GPR55: variants seen among roughly 807,000 people sequenced by gnomAD.
GPR55 encodes the protein G-protein coupled receptor 55.
In GPR55, 6 loss-of-function variants were observed where a neutral mutation model predicts 7.9. The ratio of observed to expected loss-of-function variants is 0.76; its 90% CI spans 0.41 to 1.49. The LOEUF is 1.49. Ranked by LOEUF, GPR55 falls within the 40% of genes most tolerant of loss-of-function variation. The pLI, the probability that GPR55 is intolerant of heterozygous loss-of-function variation, is 0.01. For synonymous variants in GPR55, 183 were observed against 166.8 expected, an observed-to-expected ratio of 1.10 and a Z score of -0.75; for missense variants, 376 against 406.0, an observed-to-expected ratio of 0.93 and a Z score of 0.63.
intron 1 of GPR55, among the ~76,000 whole-genome samples, chr2:230,949,559 G>T (rs1433913411): frequency 2.6e-5 from 4 of 152,256 alleles, no homozygotes; most frequent in Non-Finnish European, 5.9e-5. Flanking sequence ...ACTTCTCAAA[G>T]TGTGGCTCAG....
At chr2:230,948,262 T>C in intron 1 of GPR55, among the ~76,000 whole-genome samples, 1 of 151,966 alleles carries the variant, frequency 6.6e-6, no homozygotes, top group East Asian at 1.9e-4. Context: ...TATCAGCCCC[T>C]CCAGGCCTGA....
At chr2:230,940,247 C>T (rs564740393) in intron 1 of GPR55, among the ~76,000 whole-genome samples, 55 of 152,180 alleles carry the variant, frequency 3.6e-4, no homozygotes, top group African/African-American at 1.2e-3. Context: ...GTGGGGGCGG[C>T]GCTTACACAG....
At chr2:230,936,632 A>C (rs1415433085) in intron 1 of GPR55, among the ~76,000 whole-genome samples, 1 of 152,214 alleles carries the variant, frequency 6.6e-6, no homozygotes, top group Admixed American at 6.5e-5. Flanking sequence ...CCTGTTGGAC[A>C]GCAGCAATGT....
intron 1 of GPR55, among the ~76,000 whole-genome samples, chr2:230,958,251 A>AT (rs987567510): frequency 6.6e-6 from 1 of 152,186 alleles, no homozygotes; most frequent in Non-Finnish European, 1.5e-5. Flanking sequence ...ACTTTAAAAA[A>AT]TTTTTTTAAA....
chr2:230,940,792 G>T (rs1348082833), intron 1 of GPR55, among the ~76,000 whole-genome samples: 1 of 152,208 alleles, frequency 6.6e-6, no homozygotes, highest in Non-Finnish European at 1.5e-5. Context: ...GAGTATCCCT[G>T]GCTGCACCGG....
In GPR55 at chr2:230,909,848, T is replaced by C. The variant is rs950772111; in HGVS notation, c.*155A>G. 3 of 750,826 alleles carry C rather than the reference T, an allele frequency of 4.0e-6. No homozygotes were observed. Among genetic ancestry groups the C allele is most frequent in the South Asian group, 1.8e-5 (1 of 54,788 alleles). 46.5% of individuals were successfully genotyped at this position (750,826 alleles called of 1,614,324 possible). On this transcript the variant is annotated 3_prime_UTR_variant, in exon 2 of 2. Coordinates refer to ENST00000650999, the MANE Select transcript of GPR55 (RefSeq NM_005683.4). ...GGCAGTGGAAAAAAGGTCTTTGGGG[T>C]ATAATGAGCAAAGCTGGCACTCAAT... is the stretch of plus-strand genomic sequence containing the variant.
upstream of GPR55, among the ~76,000 whole-genome samples, chr2:230,929,431 G>A (rs540593678): frequency 3.3e-5 from 5 of 152,286 alleles, no homozygotes; most frequent in South Asian, 2.1e-4. Flanking sequence ...AGTAAAACAC[G>A]CAAGGGGGCA....
chr2:230,939,061 G>A (rs988338093), intron 1 of GPR55, among the ~76,000 whole-genome samples: 20 of 152,344 alleles, frequency 1.3e-4, no homozygotes, highest in African/African-American at 3.6e-4. Flanking sequence ...GGAGACTGAA[G>A]AGGCCGACTA....
At chr2:230,920,734 A>G (rs1455158787) in intron 1 of GPR55, among the ~76,000 whole-genome samples, 1 of 152,240 alleles carries the variant, frequency 6.6e-6, no homozygotes, top group African/African-American at 2.4e-5. Context: ...TTTAGGTTAA[A>G]TCACCTTGTC....
At chr2:230,942,303 C>T (rs1004178604) in intron 1 of GPR55, among the ~76,000 whole-genome samples, 6 of 152,192 alleles carry the variant, frequency 3.9e-5, no homozygotes, top group African/African-American at 1.4e-4. Flanking sequence ...CCTTCTCCTG[C>T]CTCAGCCGGG....
chr2:230,913,005 C>A (rs1690627881), intron 1 of GPR55, among the ~76,000 whole-genome samples: 1 of 152,138 alleles, frequency 6.6e-6, no homozygotes, highest in Admixed American at 6.5e-5. Context: ...TGTATGACTT[C>A]TTTAAAATTT....
At chr2:230,933,220 G>T (rs967867745) in intron 1 of GPR55, among the ~76,000 whole-genome samples, 2 of 70,656 alleles carry the variant, frequency 2.8e-5, no homozygotes, top group Non-Finnish European at 2.9e-5. Context: ...TGCCTGGCCT[G>T]CCTCTCTGCT....
chr2:230,927,904 G>A (rs994806323), upstream of GPR55, among the ~76,000 whole-genome samples: 1 of 152,244 alleles, frequency 6.6e-6, no homozygotes, highest in Non-Finnish European at 1.5e-5. Flanking sequence ...CAGGGGGTTT[G>A]CAGGGTGACC....
upstream of GPR55, among the ~76,000 whole-genome samples, chr2:230,928,330 G>T (rs1010523428): frequency 6.6e-6 from 1 of 152,106 alleles, no homozygotes; most frequent in Admixed American, 6.6e-5. Context: ...AGGATCCAGG[G>T]CATCTGAGGC....
Position 230,909,686 on chromosome 2 carries a change from G to T in GPR55, c.*317C>A. On this transcript the variant is annotated 3_prime_UTR_variant, in exon 2 of 2. Coordinates refer to ENST00000650999, the MANE Select transcript of GPR55 (RefSeq NM_005683.4). Reference sequence around the variant, plus strand: ...TCGAACAGGAAAATGGGGAGAGTTGGAAACAGCCTTGTTGACATGGTCTCA... The same window carrying T: ...TCGAACAGGAAAATGGGGAGAGTTGTAAACAGCCTTGTTGACATGGTCTCA... 4.0e-6 allele frequency: 1 copy of T among 252,742 alleles called. No individual in the cohort carries two copies. The highest frequency in any genetic ancestry group is 7.6e-6 in the Non-Finnish European group (1 of 131,334). 15.7% of individuals were successfully genotyped at this position (252,742 alleles called of 1,614,324 possible). A position where few individuals can be genotyped will look rare whatever the true frequency, so the allele number is the denominator to read the frequency against.
At chr2:230,922,382 G>C (rs560419815) in intron 1 of GPR55, among the ~76,000 whole-genome samples, 25 of 151,924 alleles carry the variant, frequency 1.6e-4, no homozygotes, top group African/African-American at 5.8e-4. Flanking sequence ...GTGCTGATTT[G>C]TTTGTTTGTT....
chr2:230,938,702 C>A (rs1691172722), intron 1 of GPR55, among the ~76,000 whole-genome samples: 1 of 152,200 alleles, frequency 6.6e-6, no homozygotes, highest in Admixed American at 6.5e-5. Context: ...GGAGGAGGCT[C>A]AAGGAGCCAG....
intron 1 of GPR55, among the ~76,000 whole-genome samples, chr2:230,953,388 G>T (rs185972197): frequency 2.0e-5 from 3 of 152,180 alleles, no homozygotes; most frequent in African/African-American, 7.2e-5. Flanking sequence ...GAGACAGAGG[G>T]ATAGGATGTG....
At chr2:230,949,411 G>A (rs1465032235) in intron 1 of GPR55, among the ~76,000 whole-genome samples, 2 of 152,168 alleles carry the variant, frequency 1.3e-5, no homozygotes, top group East Asian at 1.9e-4. Flanking sequence ...ATCTGCCCGC[G>A]TTGGCCTCCC....
Sources: allele counts gnomAD v4.1 joint callset (sites outside exome capture counted in the v4.1 genomes callset), GRCh38; gene constraint gnomAD v4.1.1; transcripts MANE v1.5; gene names NCBI Gene and HGNC (gene_info 2026-07-23, HGNC 2026-07-21).